CNNM3: variants seen among roughly 807,000 people sequenced by gnomAD.
CNNM3 encodes cyclin and CBS domain divalent metal cation transport mediator 3.
Under a neutral mutation model 57.1 loss-of-function variants are expected in CNNM3, and 47 were observed. The ratio of observed to expected loss-of-function variants is 0.82; its 90% CI spans 0.65 to 1.05. CNNM3 has a LOEUF of 1.05. Among genes scored for constraint, CNNM3 ranks in the 50% least tolerant of loss-of-function variants. The probability of loss-of-function intolerance (pLI) is 0.00; values close to 1 mark genes in which losing one functional copy is unlikely to be tolerated. For missense variants in CNNM3, 957 were observed against 973.7 expected, an observed-to-expected ratio of 0.98 and a Z score of 0.23; for synonymous variants, 507 against 478.2, an observed-to-expected ratio of 1.06 and a Z score of -0.79.
At chr2:96,832,179 G>A in intron 7 of CNNM3, 5 of 1,028,704 alleles carry the variant, frequency 4.9e-6, no homozygotes, top group Non-Finnish European at 5.8e-6. Context: ...CTCCAGGGGT[G>A]TGGGGTGGGC....
intron 3 of CNNM3, among the ~76,000 whole-genome samples, chr2:96,827,459 G>C (rs566208879): frequency 6.6e-6 from 1 of 152,176 alleles, no homozygotes; most frequent in Admixed American, 6.5e-5. Flanking sequence ...GTAGAGGCGG[G>C]GTTTTGCCAT....
intron 1 of CNNM3, among the ~76,000 whole-genome samples, chr2:96,822,015 T>A (rs2153354067): frequency 6.6e-6 from 1 of 150,608 alleles, no homozygotes; most frequent in African/African-American, 2.4e-5. Flanking sequence ...ATTTTTTTTT[T>A]TTTTTTGAGA....
Position 96,828,679 on chromosome 2 carries a change from C to T in CNNM3, c.1899C>T (p.Leu633=). The change falls in exon 6 of 8, where the codon CTC becomes CTT. Residue 633 remains leucine (L), a synonymous_variant. Coordinates refer to ENST00000305510, the MANE Select transcript of CNNM3 (RefSeq NM_017623.5). ...AYCPDYTVRA[L]SDLQLIKVTR... ...GTCCCGACTACACCGTGAGGGCGCT[C>T]TCTGATCTGCAGCTCATCAAGGTGA... 1 of 1,614,148 alleles carries T rather than the reference C, an allele frequency of 6.2e-7. No homozygotes were observed. The highest frequency in any genetic ancestry group is 8.5e-7 in the Non-Finnish European group (1 of 1,180,032).
Position 96,834,285 on chromosome 2 carries a change from G to A in CNNM3, c.*1669G>A, listed in dbSNP as rs1328006069. On this transcript the variant is annotated 3_prime_UTR_variant, in exon 8 of 8. Coordinates refer to ENST00000305510, the MANE Select transcript of CNNM3 (RefSeq NM_017623.5). The stretch of plus-strand genomic sequence containing the variant: ...ATACGTGGACCTGCCACCAGAGCTT[G>A]TGATTTAATCAGAGTCGGCATCAGA... Among the ~76,000 whole-genome samples the A allele has an allele frequency of 6.6e-6, 1 of 151,882 alleles. No homozygotes were observed. Among genetic ancestry groups the A allele is most frequent in the African/African-American group, 2.4e-5 (1 of 41,314 alleles).
At chr2:96,825,628 C>G (rs145279149) in intron 2 of CNNM3, among the ~76,000 whole-genome samples, 1 of 150,956 alleles carries the variant, frequency 6.6e-6, no homozygotes, top group Non-Finnish European at 1.5e-5. Flanking sequence ...CCTGGCTGGG[C>G]GCAGTGGCTC....
intron 7 of CNNM3, among the ~76,000 whole-genome samples, chr2:96,829,836 C>CT (rs2079572131): frequency 6.6e-6 from 1 of 152,232 alleles, no homozygotes; most frequent in East Asian, 1.9e-4. Flanking sequence ...GTTTAGGTCA[C>CT]TTTGAGTCAG....
chr2:96,827,076 C>T lies in CNNM3; in HGVS notation c.1519+94C>T, dbSNP rs2153355229. ...GCCGACACTGACTCTGCTCCCCACT[C>T]CTAGCAGGCGGGTGCGTCTTGAGGA... On this transcript the variant is annotated intron_variant, in intron 3 of 7. Coordinates refer to ENST00000305510, the MANE Select transcript of CNNM3 (RefSeq NM_017623.5). 7 of 1,423,100 alleles carry T rather than the reference C, an allele frequency of 4.9e-6. No homozygotes were observed. The East Asian group carries it at 1.6e-4, about 33-fold the overall frequency. 88.2% of individuals were successfully genotyped at this position (1,423,100 alleles called of 1,614,324 possible). A position where few individuals can be genotyped will look rare whatever the true frequency, so the allele number is the denominator to read the frequency against.
Position 96,835,222 on chromosome 2 carries a change from G to A in CNNM3, c.*2606G>A, listed in dbSNP as rs555623768. Among the ~76,000 whole-genome samples, 8 of 152,102 alleles carry A rather than the reference G, an allele frequency of 5.3e-5. No individual in the cohort carries two copies. The highest frequency in any genetic ancestry group is 1.3e-4 in the Admixed American group (2 of 15,276). Reference sequence around the variant, plus strand: ...TCGGGATTGTCTTTTTTCACTCGGCGTCATTCTCGGGAGATCATCCAGGCA... The same window carrying A: ...TCGGGATTGTCTTTTTTCACTCGGCATCATTCTCGGGAGATCATCCAGGCA... On this transcript the variant is annotated 3_prime_UTR_variant, in exon 8 of 8. Coordinates refer to ENST00000305510, the MANE Select transcript of CNNM3 (RefSeq NM_017623.5).
In CNNM3 at chr2:96,817,474, G is replaced by A. The variant is rs34228766; in HGVS notation, c.1197G>A (p.Leu399=). The change falls in exon 1 of 8, where the codon CTG becomes CTA. Residue 399 remains leucine, a synonymous_variant. Transcript: ENST00000305510. ...ACTTCGTCTTCAACGACACCAAGCTGGACGCTGTCCTGGAGGAATTCAAGC... is the reference window on the plus strand; with the variant it reads ...ACTTCGTCTTCAACGACACCAAGCTAGACGCTGTCCTGGAGGAATTCAAGC... The part of the protein sequence containing the change: ...PLHFVFNDTK[L]DAVLEEFKRG... 7,507 of 1,613,694 alleles carry A rather than the reference G, an allele frequency of 4.7e-3. 265 individuals carry two copies. In the African/African-American group the frequency reaches 0.089, roughly 19 times the overall value.
Position 96,817,049 on chromosome 2 carries a change from C to T in CNNM3, c.772C>T (p.Leu258Phe). 1.5e-6 allele frequency: 2 copies of T among 1,370,370 alleles called. No homozygotes were observed. The highest frequency in any genetic ancestry group is 1.9e-6 in the Non-Finnish European group (2 of 1,061,742). 84.9% of individuals were successfully genotyped at this position (1,370,370 alleles called of 1,614,324 possible). ...TLALAPRALGLSRLAVLLTLP... is the reference protein window; with the variant it reads ...TLALAPRALGFSRLAVLLTLP... ...GGCGCTGGCGCCGCGAGCGCTCGGC[C>T]TCAGCCGCCTGGCCGTCCTGCTCAC... Residue 258 changes from leucine (L) to phenylalanine (F), a missense_variant, in exon 1 of 8, where the codon CTC becomes TTC. Transcript: ENST00000305510.
intron 1 of CNNM3, chr2:96,824,813 G>C: frequency 2.0e-6 from 1 of 512,358 alleles, no homozygotes; most frequent in Non-Finnish European, 3.5e-6. Context: ...AGCTCTGCCT[G>C]GGGGGCCTTG....
chr2:96,832,520 G>A (rs757368305), intron 7 of CNNM3, 32 bp from the exon 8 acceptor site: 3 of 1,613,782 alleles, frequency 1.9e-6, no homozygotes, highest in Non-Finnish European at 2.5e-6. Flanking sequence ...TACCAGCTTT[G>A]ATGTTAATTC....
intron 1 of CNNM3, among the ~76,000 whole-genome samples, chr2:96,821,039 C>T (rs2079398533): frequency 6.6e-6 from 1 of 152,078 alleles, no homozygotes; most frequent in South Asian, 2.1e-4. Flanking sequence ...TGACAACATG[C>T]TGAAAAGGAT....
At chr2:96,827,104 T>G in intron 3 of CNNM3, 122 bp downstream of exon 3, 1 of 1,045,212 alleles carries the variant, frequency 9.6e-7, no homozygotes. Flanking sequence ...CTTGAGGACT[T>G]CTGTGTTCTC....
At chr2:96,826,765 C>G in intron 2 of CNNM3, 68 bp from the exon 3 acceptor site, 5 of 1,579,334 alleles carry the variant, frequency 3.2e-6, no homozygotes, top group Admixed American at 1.7e-5. Flanking sequence ...GGCGATGCAG[C>G]CCCTTAGTGT....
chr2:96,816,957 G>A lies in CNNM3; in HGVS notation c.680G>A (p.Gly227Asp). The change falls in exon 1 of 8, where the codon GGC becomes GAC. Residue 227 changes from glycine to aspartate, a missense_variant. By Grantham distance (94) the Gly-to-Asp change is moderately conservative. Around this residue, in one of 2 missense-constraint regions of CNNM3, gnomAD observed 466 missense variants for 403.1 expected, o/e 1.16. Coordinates refer to ENST00000305510, the MANE Select transcript of CNNM3 (RefSeq NM_017623.5). ...AGQRAVPAVL[G>D]SAGLVFLVGE... ...CAGCGTGCGGTGCCCGCCGTGTTGG[G>A]CAGCGCGGGGCTCGTGTTCCTGGTG... 1 of 1,314,656 alleles carries A rather than the reference G, an allele frequency of 7.6e-7. No individual in the cohort carries two copies. The allele number at this position is 1,314,656 out of a possible 1,614,324, so 81.4% of individuals were successfully genotyped here. A position where few individuals can be genotyped will look rare whatever the true frequency, so the allele number is the denominator to read the frequency against.
chr2:96,829,188 TCA>T, intron 7 of CNNM3, 54 bp downstream of exon 7: 13 of 1,591,456 alleles, frequency 8.2e-6, no homozygotes, highest in South Asian at 1.1e-5. Context: ...GGCCGTGAGC[TCA>T]CACACACAGA....
At chr2:96,831,267 C>T (rs140746846) in intron 7 of CNNM3, among the ~76,000 whole-genome samples, 8 of 152,176 alleles carry the variant, frequency 5.3e-5, no homozygotes, top group Non-Finnish European at 1.0e-4. Context: ...CTCGGGTTGT[C>T]CTGCATTTTG....
In CNNM3 at chr2:96,832,645, G is replaced by T; in HGVS notation, c.*29G>T. 1.2e-6 allele frequency: 2 copies of T among 1,611,484 alleles called. No homozygotes were observed. Among genetic ancestry groups the T allele is most frequent in the Non-Finnish European group, 8.5e-7 (1 of 1,179,990 alleles). ...CTCACTAGGCAGCCCCAGATCTGGG[G>T]AACAGATGAGCACGTGGGGAGCTGG... On this transcript the variant is annotated 3_prime_UTR_variant, in exon 8 of 8. Coordinates refer to ENST00000305510, the MANE Select transcript of CNNM3 (RefSeq NM_017623.5).
Sources: gnomAD v4.1 joint callset for allele counts (sites outside exome capture counted in the v4.1 genomes callset) on GRCh38, gnomAD v4.1.1 for gene constraint, gnomAD v4.1.1 regional missense constraint, MANE v1.5 for transcripts, NCBI Gene and HGNC (gene_info 2026-07-23, HGNC 2026-07-21) for gene names.